The following NAV2 variants were observed in gnomAD, a reference collection of about 807,000 sequenced individuals.
The protein encoded by NAV2 is neuron navigator 2, also known as helicase, APC down-regulated 1.
NAV2 carries 54 observed loss-of-function variants against 223.2 expected under a neutral mutation model. That is an observed-to-expected ratio of 0.24 (90% CI 0.19 to 0.30). The LOEUF is 0.30. Among genes scored for constraint, NAV2 ranks in the 10% least tolerant of loss-of-function variants. The probability of loss-of-function intolerance (pLI) is 1.00; values close to 1 mark genes in which losing one functional copy is unlikely to be tolerated. For missense variants in NAV2, 2,806 were observed against 3,147.5 expected, an observed-to-expected ratio of 0.89 and a Z score of 2.60; for synonymous variants, 1,279 against 1,239.3, an observed-to-expected ratio of 1.03 and a Z score of -0.67.
At chr11:19,474,751 C>T (rs2042066242) in intron 1 of NAV2, among the ~76,000 whole-genome samples, 1 of 152,216 alleles carries the variant, frequency 6.6e-6, no homozygotes, top group South Asian at 2.1e-4. Context: ...TCAAAGTCAT[C>T]TCCAGAGAAC....
chr11:19,716,959 G>A (rs2216996), intron 1 of NAV2, among the ~76,000 whole-genome samples: 35,360 of 152,162 alleles, frequency 0.23, 4,579 homozygotes, highest in Middle Eastern at 0.33. Flanking sequence ...GTAACTTTGT[G>A]AGTAGCAAAG....
chr11:19,901,073 A>G (rs1222355071), intron 6 of NAV2, among the ~76,000 whole-genome samples: 1 of 152,242 alleles, frequency 6.6e-6, no homozygotes, highest in Non-Finnish European at 1.5e-5. Context: ...TTCATGAGCC[A>G]TCTCATCATC....
At chr11:19,838,282 G>A (rs1021241368) in intron 2 of NAV2, among the ~76,000 whole-genome samples, 21 of 152,290 alleles carry the variant, frequency 1.4e-4, no homozygotes, top group Admixed American at 1.3e-4. Flanking sequence ...ACTCCATCGT[G>A]GGTCAGGTGC....
intron 12 of NAV2, among the ~76,000 whole-genome samples, chr11:20,042,108 T>C (rs533988851): frequency 6.6e-6 from 1 of 152,072 alleles, no homozygotes; most frequent in Admixed American, 6.5e-5. Context: ...AAGCATGGAG[T>C]AAATTCTGGT....
chr11:19,960,340 T>C (rs1381635475), intron 10 of NAV2, among the ~76,000 whole-genome samples: 1 of 152,164 alleles, frequency 6.6e-6, no homozygotes, highest in East Asian at 1.9e-4. Flanking sequence ...ATCCCTTCTG[T>C]GTGCTAGGCA....
chr11:19,800,403 G>A (rs1340103778), intron 1 of NAV2, among the ~76,000 whole-genome samples: 1 of 152,166 alleles, frequency 6.6e-6, no homozygotes, highest in African/African-American at 2.4e-5. Flanking sequence ...CTTCATAGAA[G>A]TTTTCAAGTC....
chr11:19,948,063 C>T (rs2047071441), intron 9 of NAV2, among the ~76,000 whole-genome samples: 1 of 151,854 alleles, frequency 6.6e-6, no homozygotes, highest in Non-Finnish European at 1.5e-5. Flanking sequence ...TTTTCTTTCC[C>T]AGATTGGAAA....
chr11:19,460,806 G>A (rs1852131506), intron 1 of NAV2, among the ~76,000 whole-genome samples: 1 of 152,132 alleles, frequency 6.6e-6, no homozygotes, highest in African/African-American at 2.4e-5. Flanking sequence ...ATTCCCTTGG[G>A]TTGGAGGGAA....
chr11:19,974,068 A>G (rs7118972), intron 10 of NAV2, among the ~76,000 whole-genome samples: 5,723 of 152,344 alleles, frequency 0.038, 334 homozygotes, highest in African/African-American at 0.13. Context: ...ATTGTCCCCT[A>G]ACACAGAGGG....
chr11:19,685,372 A>C (rs2048994678), intron 1 of NAV2, among the ~76,000 whole-genome samples: 1 of 152,122 alleles, frequency 6.6e-6, no homozygotes, highest in Admixed American at 6.5e-5. Context: ...GGGGTGGGGA[A>C]AGCAGGTTTC....
intron 1 of NAV2, among the ~76,000 whole-genome samples, chr11:19,486,510 G>T (rs2042450383): frequency 1.3e-5 from 2 of 152,138 alleles, no homozygotes; most frequent in Non-Finnish European, 2.9e-5. Flanking sequence ...TCTCGTGATA[G>T]TAAGTAAGTT....
chr11:19,351,746 A>G (rs181024128), intron 1 of NAV2, among the ~76,000 whole-genome samples: 98 of 150,550 alleles, frequency 6.5e-4, no homozygotes, highest in Non-Finnish European at 1.1e-3. Context: ...GCAGAGTCCA[A>G]ATTTTTGTTG....
At chr11:19,549,209 C>T (rs1210602234) in intron 1 of NAV2, among the ~76,000 whole-genome samples, 3 of 152,188 alleles carry the variant, frequency 2.0e-5, no homozygotes, top group Admixed American at 6.5e-5. Context: ...GGGGCTAGGC[C>T]ATTCTCATCA....
intron 1 of NAV2, among the ~76,000 whole-genome samples, chr11:19,780,791 A>G (rs1284901938): frequency 6.6e-6 from 1 of 152,214 alleles, no homozygotes; most frequent in African/African-American, 2.4e-5. Flanking sequence ...TAGTGTGTGC[A>G]TTTCTCCACA....
intron 11 of NAV2, chr11:20,027,232 C>T (rs1333832018): frequency 2.0e-6 from 2 of 981,256 alleles, no homozygotes; most frequent in African/African-American, 3.5e-5. Context: ...TTTCTCTTCC[C>T]CAGGGGTTAC....
chr11:19,512,214 G>C (rs1246852618), intron 1 of NAV2, among the ~76,000 whole-genome samples: 1 of 152,158 alleles, frequency 6.6e-6, no homozygotes, highest in Admixed American at 6.5e-5. Flanking sequence ...GATCAACTCT[G>C]AGAGCTGGGG....
chr11:20,079,638 A>G (rs988829069), intron 24 of NAV2, among the ~76,000 whole-genome samples: 16 of 152,182 alleles, frequency 1.1e-4, no homozygotes, highest in Admixed American at 3.3e-4. Flanking sequence ...GGGATAGCAC[A>G]TGGAAGGGCC....
chr11:20,114,527 CA>C, intron 36 of NAV2, 64 bp from the exon 37 acceptor site: 2 of 1,508,258 alleles, frequency 1.3e-6, no homozygotes, highest in Non-Finnish European at 1.8e-6. Context: ...CAGAAAGCTG[CA>C]AAACTGGGGC....
chr11:19,765,934 A>G (rs1466794940), intron 1 of NAV2, among the ~76,000 whole-genome samples: 29 of 151,826 alleles, frequency 1.9e-4, no homozygotes, highest in Admixed American at 1.9e-3. Context: ...CTATATCTTC[A>G]CTTGCTTGTT....
Sources: allele counts gnomAD v4.1 joint callset (sites outside exome capture counted in the v4.1 genomes callset), GRCh38; gene constraint gnomAD v4.1.1; transcripts MANE v1.5; gene names NCBI Gene and HGNC (gene_info 2026-07-23, HGNC 2026-07-21).